Variants in CSNK1G1 observed in about 807,000 individuals in gnomAD.
The protein encoded by CSNK1G1 is casein kinase 1 gamma 1.
A neutral mutation model predicts 59.6 loss-of-function variants in CSNK1G1; 22 were observed. The observed-to-expected ratio is 0.37, with a 90% CI of 0.26 to 0.53. CSNK1G1 has a LOEUF of 0.53. CSNK1G1 is among the 20% of genes least tolerant of loss of function. CSNK1G1 has a pLI of 0.89. For missense variants in CSNK1G1, 384 were observed against 519.5 expected, an observed-to-expected ratio of 0.74 and a Z score of 2.54; for synonymous variants, 179 against 177.1, an observed-to-expected ratio of 1.01 and a Z score of -0.08.
intron 2 of CSNK1G1, chr15:64,265,659 CT>C: frequency 1.2e-5 from 4 of 343,528 alleles, no homozygotes; most frequent in East Asian, 7.4e-5. Flanking sequence ...TTTACAATAG[CT>C]TTAAAAAAAA....
chr15:64,217,220 C>T (rs1459527874), intron 4 of CSNK1G1, among the ~76,000 whole-genome samples: 1 of 152,190 alleles, frequency 6.6e-6, no homozygotes, highest in Non-Finnish European at 1.5e-5. Context: ...CAGCCTGGCC[C>T]CAGGCCAGCA....
rs1303927082 is a variant in CSNK1G1 at position 64,210,390 on chromosome 15, C to G, written c.680-2796G>C. ...AAATAAGAGTGAAAACCAGAGCATGCTTTATTTTCATACGACTTTGAACAC... is the reference window on the plus strand; with the variant it reads ...AAATAAGAGTGAAAACCAGAGCATGGTTTATTTTCATACGACTTTGAACAC... On this transcript the variant is annotated intron_variant, in intron 6 of 11. Coordinates refer to ENST00000303052, the MANE Select transcript of CSNK1G1 (RefSeq NM_022048.5). This position sits in a 1 kb window ranked among gnomAD's most constrained non-coding sequence, Gnocchi z 4.2. Among the ~76,000 whole-genome samples the G allele has an allele frequency of 1.3e-5, 2 of 152,144 alleles. No homozygotes were observed. Among genetic ancestry groups the G allele is most frequent in the Non-Finnish European group, 2.9e-5 (2 of 68,018 alleles).
intron 1 of CSNK1G1, among the ~76,000 whole-genome samples, chr15:64,327,465 T>C (rs1167225618): frequency 2.0e-5 from 3 of 149,276 alleles, no homozygotes; most frequent in African/African-American, 5.0e-5. Flanking sequence ...CTGAGGGTCC[T>C]GTCTGTTAGA....
chr15:64,274,223 C>G (rs1327151658), intron 2 of CSNK1G1, among the ~76,000 whole-genome samples: 1 of 152,188 alleles, frequency 6.6e-6, no homozygotes, highest in African/African-American at 2.4e-5. Context: ...AATTTCTTTG[C>G]AAGGGCACAA....
intron 4 of CSNK1G1, among the ~76,000 whole-genome samples, chr15:64,244,063 G>C (rs1891621683): frequency 1.3e-5 from 2 of 151,738 alleles, no homozygotes; most frequent in African/African-American, 4.8e-5. Context: ...CAGCTACTTG[G>C]GAGGCTGAGG....
rs556765214 is a variant in CSNK1G1 at position 64,261,762 on chromosome 15, G to A, written c.182-2521C>T. 2.6e-5 allele frequency among the ~76,000 whole-genome samples: 4 copies of A among 152,028 alleles called. 1 individual carries two copies. In the East Asian group the frequency reaches 7.7e-4, roughly 29 times the overall value. On this transcript the variant is annotated intron_variant, in intron 2 of 11. Coordinates refer to ENST00000303052, the MANE Select transcript of CSNK1G1 (RefSeq NM_022048.5). The stretch of plus-strand genomic sequence containing the variant: ...GTTGGAGACCAGTCTGACCAACATG[G>A]TGAAACCCTGTCTCTACTAAAAATA...
intron 6 of CSNK1G1, among the ~76,000 whole-genome samples, chr15:64,213,081 C>T (rs1215603063): frequency 1.3e-5 from 2 of 152,130 alleles, no homozygotes; most frequent in South Asian, 4.2e-4. Flanking sequence ...ATAATTATTT[C>T]TGCCTAGGAG....
At chr15:64,232,841 G>A (rs117581606) in intron 4 of CSNK1G1, among the ~76,000 whole-genome samples, 2,232 of 152,208 alleles carry the variant, frequency 0.015, 20 homozygotes, top group Non-Finnish European at 0.023. Flanking sequence ...AGAGAAATAC[G>A]AGTAAAGACC....
intron 10 of CSNK1G1, among the ~76,000 whole-genome samples, chr15:64,190,343 A>G (rs1242054017): frequency 6.6e-6 from 1 of 152,206 alleles, no homozygotes; most frequent in African/African-American, 2.4e-5. Flanking sequence ...TACTACAATT[A>G]TTTCTGCCAA....
At chr15:64,316,481 A>G (rs1319803932) in intron 1 of CSNK1G1, among the ~76,000 whole-genome samples, 1 of 148,034 alleles carries the variant, frequency 6.8e-6, no homozygotes, top group East Asian at 2.0e-4. Context: ...GGGTGCAGTA[A>G]GCTGAAATCA....
At chr15:64,185,002 A>G (rs2081871792) in intron 10 of CSNK1G1, among the ~76,000 whole-genome samples, 1 of 152,214 alleles carries the variant, frequency 6.6e-6, no homozygotes, top group African/African-American at 2.4e-5. Context: ...GGTCCTGAAC[A>G]TTTCTAAAAG....
At chr15:64,189,814 AC>A (rs1248334577) in intron 10 of CSNK1G1, among the ~76,000 whole-genome samples, 1 of 136,244 alleles carries the variant, frequency 7.3e-6, no homozygotes, top group Non-Finnish European at 1.6e-5. Context: ...GCTACAATTT[AC>A]TTTTTTTTTT....
intron 2 of CSNK1G1, among the ~76,000 whole-genome samples, chr15:64,268,184 A>G (rs78260392): frequency 0.043 from 6,531 of 152,330 alleles, 157 homozygotes; most frequent in South Asian, 0.079. Context: ...TGGCAAAGGA[A>G]TAAACATGGA....
intron 10 of CSNK1G1, among the ~76,000 whole-genome samples, chr15:64,186,613 G>T (rs147900343): frequency 6.6e-6 from 1 of 152,090 alleles, no homozygotes; most frequent in Non-Finnish European, 1.5e-5. Context: ...GGGCTCAAGC[G>T]ATCCTCCCGC....
chr15:64,315,588 A>G (rs72756996), intron 1 of CSNK1G1: 6,728 of 152,266 alleles, frequency 0.044, 195 homozygotes, highest in South Asian at 0.085. Flanking sequence ...GCCTCACAGA[A>G]TTATGTTCAC....
chr15:64,220,840 C>T (rs574413395), intron 4 of CSNK1G1, among the ~76,000 whole-genome samples: 98 of 152,262 alleles, frequency 6.4e-4, no homozygotes, highest in African/African-American at 2.2e-3. Context: ...AGGCATGAGC[C>T]TCCGTGCCTG....
intron 4 of CSNK1G1, 162 bp downstream of exon 4, chr15:64,251,350 G>A (rs1207085792): frequency 3.7e-6 from 2 of 547,886 alleles, no homozygotes; most frequent in East Asian, 2.9e-5. Context: ...AGGAACCAGA[G>A]CGCAAGTAGC....
At chr15:64,338,816 G>A (rs1355875882) in intron 1 of CSNK1G1, among the ~76,000 whole-genome samples, 7 of 150,966 alleles carry the variant, frequency 4.6e-5, no homozygotes, top group Admixed American at 4.0e-4. Flanking sequence ...TTGGGAGTTC[G>A]AGACCAGCCT....
chr15:64,298,647 T>C (rs979890165), intron 2 of CSNK1G1, among the ~76,000 whole-genome samples: 3 of 152,156 alleles, frequency 2.0e-5, no homozygotes, highest in Non-Finnish European at 4.4e-5. Flanking sequence ...ATTCAAATGG[T>C]CTCTGGCTAG....
Sources: allele counts gnomAD v4.1 joint callset (sites outside exome capture counted in the v4.1 genomes callset), GRCh38; gene constraint gnomAD v4.1.1; non-coding constraint Gnocchi (gnomAD v3.1); transcripts MANE v1.5; gene names NCBI Gene and HGNC (gene_info 2026-07-23, HGNC 2026-07-21).